CLIC5: variants seen among roughly 807,000 people sequenced by gnomAD.
CLIC5 encodes the protein CLIC family member 5, also known as chloride intracellular channel protein 5.
Under a neutral mutation model 24.7 loss-of-function variants are expected in CLIC5, and 20 were observed. That is an observed-to-expected ratio of 0.81 (90% CI 0.57 to 1.18). CLIC5 has a LOEUF of 1.18. CLIC5 is among the 50% of genes most tolerant of loss of function. CLIC5 has a pLI of 0.00. For missense variants in CLIC5, 341 were observed against 326.1 expected (o/e 1.05, Z -0.35); for synonymous variants, 159 against 135.6 (o/e 1.17, Z -1.20).
chr6:46,106,547 T>A, the CLIC5 span, among the ~76,000 whole-genome samples: 1 of 152,198 alleles, frequency 6.6e-6, no homozygotes, highest in African/African-American at 2.4e-5. Flanking sequence ...AGGTCAGTGG[T>A]CCAGTTGAAG....
intron 1 of CLIC5, among the ~76,000 whole-genome samples, chr6:46,061,189 G>A (rs764751876): frequency 9.2e-5 from 14 of 151,552 alleles, no homozygotes; most frequent in Non-Finnish European, 1.3e-4. Flanking sequence ...GTTTTTGTTT[G>A]TTTGTTTGTT....
chr6:45,928,767 A>AGTGTGTGTGTGTGTGT (rs5875948), intron 4 of CLIC5, among the ~76,000 whole-genome samples: 69 of 144,176 alleles, frequency 4.8e-4, no homozygotes, highest in African/African-American at 1.3e-3. Context: ...GAAGTGCATA[A>AGTGTGTGTGTGTGTGT]GTGTGTGTGT....
intron 1 of CLIC5, among the ~76,000 whole-genome samples, chr6:45,974,122 A>G (rs143494774): frequency 6.6e-6 from 1 of 152,084 alleles, no homozygotes; most frequent in Non-Finnish European, 1.5e-5. Context: ...AAAATCTTGC[A>G]TGTGTTCGTA....
rs1581887974 is a variant in CLIC5, at chr6:46,036,485, T to C, written c.540+43218A>G. 3.9e-5 allele frequency among the ~76,000 whole-genome samples: 6 copies of C among 152,006 alleles called. No homozygotes were observed. The South Asian group carries it at 1.0e-3, about 26-fold the overall frequency. On this transcript the variant is annotated intron_variant, in intron 1 of 5. Coordinates refer to the CLIC5 transcript ENST00000185206. ...GCCACCACGCCCAGCTAATTTTTTGTATTTTCAGTAGAGACGGGGTTTCAC... is the reference window on the plus strand; with the variant it reads ...GCCACCACGCCCAGCTAATTTTTTGCATTTTCAGTAGAGACGGGGTTTCAC...
intron 1 of CLIC5, among the ~76,000 whole-genome samples, chr6:45,995,916 A>G (rs556483525): frequency 8.5e-5 from 13 of 152,238 alleles, no homozygotes; most frequent in African/African-American, 2.9e-4. Flanking sequence ...GAATAATGAG[A>G]ACACATGGAC....
rs1762541804 is a variant in CLIC5, at chr6:45,902,723, G to T, written c.*365C>A. ...GGACGGAGAGGAGGGTAGAAAAGGAGTTGGTGTTGCATGTTTCTAAAGCAT... is the reference window on the plus strand; with the variant it reads ...GGACGGAGAGGAGGGTAGAAAAGGATTTGGTGTTGCATGTTTCTAAAGCAT... On this transcript the variant is annotated 3_prime_UTR_variant, in exon 6 of 6. Coordinates refer to ENST00000339561, the MANE Select transcript of CLIC5 (RefSeq NM_016929.5). 4.3e-6 allele frequency: 1 copy of T among 231,278 alleles called. No homozygotes were observed. The highest frequency in any genetic ancestry group is 8.6e-6 in the Non-Finnish European group (1 of 116,922). The allele number at this position is 231,278 out of a possible 1,614,324, so 14.3% of individuals were successfully genotyped here.
Position 45,914,236 on chromosome 6 carries a change from C to T in CLIC5, c.580G>A (p.Val194Met), listed in dbSNP as rs778052865. Reference protein sequence around the residue: ...ADCNLLPKLHVVKIVAKKYRN... With the variant: ...ADCNLLPKLHMVKIVAKKYRN... ...GGGTAGAGCTCTCTTACCTTGACCACATGGAGCTTGGGCAACAGATTGCAG... is the reference window on the plus strand; with the variant it reads ...GGGTAGAGCTCTCTTACCTTGACCATATGGAGCTTGGGCAACAGATTGCAG... The change falls in exon 5 of 6, where the codon GTG (valine) becomes ATG (methionine). Residue 194 changes from valine to methionine, a missense_variant. Val to Met is a conservative substitution (Grantham distance 21). Transcript: ENST00000339561. The T allele has an allele frequency of 6.3e-7, 1 of 1,594,584 alleles. No homozygotes were observed. The highest frequency in any genetic ancestry group is 1.1e-5 in the South Asian group (1 of 88,754).
At chr6:45,937,946 T>C (rs1763997260) in intron 4 of CLIC5, among the ~76,000 whole-genome samples, 1 of 152,154 alleles carries the variant, frequency 6.6e-6, no homozygotes, top group Non-Finnish European at 1.5e-5. Context: ...CATGCTTTCA[T>C]TTTGAGAGGG....
the CLIC5 span, among the ~76,000 whole-genome samples, chr6:46,094,753 T>A: frequency 2.6e-5 from 4 of 152,182 alleles, no homozygotes; most frequent in African/African-American, 9.7e-5. Flanking sequence ...GCAAGCTGTT[T>A]GTGGCTCTAC....
chr6:46,008,805 G>A (rs2127440331), intron 1 of CLIC5, among the ~76,000 whole-genome samples: 1 of 152,274 alleles, frequency 6.6e-6, no homozygotes, highest in African/African-American at 2.4e-5. Context: ...AGGTCAATCT[G>A]GAGTGATTCA....
chr6:45,924,130 G>GA (rs1383923479), intron 4 of CLIC5, among the ~76,000 whole-genome samples: 1 of 152,176 alleles, frequency 6.6e-6, no homozygotes, highest in Non-Finnish European at 1.5e-5. Flanking sequence ...AGAGCTGCAA[G>GA]AAAAAAGTGG....
intron 3 of CLIC5, 40 bp downstream of exon 3, chr6:45,949,216 C>T (rs777823081): frequency 4.4e-6 from 7 of 1,598,780 alleles, no homozygotes; most frequent in Non-Finnish European, 6.0e-6. Flanking sequence ...CAGCATGAAC[C>T]CTTCCCATTC....
intron 5 of CLIC5, 39 bp from the exon 6 acceptor site, chr6:45,903,294 A>G: frequency 6.5e-7 from 1 of 1,534,846 alleles, no homozygotes; most frequent in South Asian, 1.3e-5. Context: ...GTGTGAAGGC[A>G]TGAAACAAAT....
At chr6:45,920,942 C>A (rs186669921) in intron 4 of CLIC5, among the ~76,000 whole-genome samples, 85 of 152,312 alleles carry the variant, frequency 5.6e-4, no homozygotes, top group African/African-American at 1.9e-3. Flanking sequence ...TCCCCTCCCC[C>A]ACCAGAAAAC....
intron 5 of CLIC5, among the ~76,000 whole-genome samples, chr6:45,909,759 G>T (rs950604030): frequency 1.3e-5 from 2 of 152,136 alleles, no homozygotes; most frequent in African/African-American, 2.4e-5. Flanking sequence ...ATACCTTGGT[G>T]AAGTTCATTT....
At chr6:46,073,583 C>A (rs1314774009) in intron 1 of CLIC5, among the ~76,000 whole-genome samples, 1 of 152,204 alleles carries the variant, frequency 6.6e-6, no homozygotes, top group Non-Finnish European at 1.5e-5. Context: ...TTTTAATTTG[C>A]TTGCTGTCCT....
At chr6:46,030,737 G>C (rs1478494057) in intron 1 of CLIC5, among the ~76,000 whole-genome samples, 1 of 152,152 alleles carries the variant, frequency 6.6e-6, no homozygotes, top group East Asian at 1.9e-4. Context: ...CATGTTGCTT[G>C]AAATACTTTC....
At chr6:45,990,577 T>C (rs534523920) in intron 1 of CLIC5, among the ~76,000 whole-genome samples, 92 of 152,308 alleles carry the variant, frequency 6.0e-4, no homozygotes, top group African/African-American at 2.1e-3. Flanking sequence ...AAAATTTAAA[T>C]AATAACATTC....
At chr6:45,957,438 C>A (rs141473289) in intron 1 of CLIC5, among the ~76,000 whole-genome samples, 1 of 152,070 alleles carries the variant, frequency 6.6e-6, no homozygotes, top group South Asian at 2.1e-4. Context: ...CCAGGACGAA[C>A]GCAGGTGGTC....
Sources: gnomAD v4.1 joint callset for allele counts (sites outside exome capture counted in the v4.1 genomes callset) on GRCh38, gnomAD v4.1.1 for gene constraint, MANE v1.5 for transcripts, NCBI Gene and HGNC (gene_info 2026-07-23, HGNC 2026-07-21) for gene names.